The following CAMK4 variants were observed in gnomAD, a reference collection of about 807,000 sequenced individuals.
CAMK4 encodes the protein calcium/calmodulin-dependent protein kinase type IV.
Under a neutral mutation model 44.9 loss-of-function variants are expected in CAMK4, and 22 were observed. The ratio of observed to expected loss-of-function variants is 0.49; its 90% CI spans 0.35 to 0.70. The LOEUF (loss-of-function observed/expected upper bound fraction) is 0.70. Ranked by LOEUF, CAMK4 falls within the 30% of genes least tolerant of loss-of-function variation. The probability of loss-of-function intolerance (pLI) is 0.01; values close to 1 mark genes in which losing one functional copy is unlikely to be tolerated. For synonymous variants in CAMK4, 218 were observed against 215.4 expected, an observed-to-expected ratio of 1.01 and a Z score of -0.11; for missense variants, 498 against 586.8, an observed-to-expected ratio of 0.85 and a Z score of 1.56.
rs556817291 is a variant in CAMK4 at position 111,458,504 on chromosome 5, T to A, written c.625+9301T>A. Among the ~76,000 whole-genome samples the A allele has an allele frequency of 2.6e-5, 4 of 152,320 alleles. No individual in the cohort carries two copies. In the South Asian group the frequency reaches 8.3e-4, roughly 32 times the overall value. Reference sequence around the variant, plus strand: ...TGCTTCTATGCACTAGGCACTGTTGTATGTTGTAAAGACATAGCAGTAAAA... The same window carrying A: ...TGCTTCTATGCACTAGGCACTGTTGAATGTTGTAAAGACATAGCAGTAAAA... On this transcript the variant is annotated intron_variant, in intron 7 of 10. Transcript: ENST00000282356.
Position 111,486,148 on chromosome 5 carries a change from T to C in CAMK4, c.*1682T>C, listed in dbSNP as rs1302123751. 3.3e-5 allele frequency: 5 copies of C among 152,250 alleles called. No homozygotes were observed. Among genetic ancestry groups the C allele is most frequent in the Admixed American group, 3.3e-4 (5 of 15,298 alleles). The allele number at this position is 152,250 out of a possible 1,614,324, so 9.4% of individuals were successfully genotyped here. On this transcript the variant is annotated 3_prime_UTR_variant, in exon 11 of 11. Transcript: ENST00000282356. The stretch of plus-strand genomic sequence containing the variant: ...CCTCAGTAGACATTCTTCTTTTCAA[T>C]CACAAATCTCTCTCTACTACTGTTC...
chr5:111,252,923 G>A (rs533331686), intron 1 of CAMK4, among the ~76,000 whole-genome samples: 1 of 152,354 alleles, frequency 6.6e-6, no homozygotes, highest in South Asian at 2.1e-4. Context: ...GCAATAGCAA[G>A]TGATGCTACT....
At chr5:111,447,315 T>C (rs1246884096) in intron 6 of CAMK4, among the ~76,000 whole-genome samples, 2 of 152,158 alleles carry the variant, frequency 1.3e-5, no homozygotes, top group African/African-American at 4.8e-5. Context: ...TGGGAGTGAT[T>C]CACAGAAATG....
rs963855222 is a variant in CAMK4 at position 111,274,878 on chromosome 5, ACT to A, written c.161+50237_161+50238del. On this transcript the variant is annotated intron_variant, in intron 1 of 10. Coordinates refer to ENST00000282356, the MANE Select transcript of CAMK4 (RefSeq NM_001744.6). Reference sequence around the variant, plus strand: ...TCCATTTCATTTTAAGTGTTATACCACTCTTTTTTTTAAAAAAAATTATAAGC... The same window carrying A: ...TCCATTTCATTTTAAGTGTTATACCACTTTTTTTTAAAAAAAATTATAAGC... Among the ~76,000 whole-genome samples, 9 of 151,692 alleles carry A rather than the reference ACT, an allele frequency of 5.9e-5. No homozygotes were observed. The East Asian group carries it at 7.7e-4, about 13-fold the overall frequency.
chr5:111,301,480 T>C (rs902893388), intron 1 of CAMK4, among the ~76,000 whole-genome samples: 1 of 152,224 alleles, frequency 6.6e-6, no homozygotes, highest in African/African-American at 2.4e-5. Context: ...CTGGAAACTA[T>C]GTCTAGTAGG....
chr5:111,262,797 C>A (rs1368168693), intron 1 of CAMK4, among the ~76,000 whole-genome samples: 1 of 152,186 alleles, frequency 6.6e-6, no homozygotes, highest in Non-Finnish European at 1.5e-5. Context: ...CAGGTTCTGT[C>A]CTTTTGAACA....
chr5:111,468,301 A>C (rs950986385), intron 7 of CAMK4, among the ~76,000 whole-genome samples: 2 of 152,112 alleles, frequency 1.3e-5, no homozygotes, highest in Non-Finnish European at 2.9e-5. Flanking sequence ...AACACCTCCT[A>C]TTTTCCCAAA....
chr5:111,459,686 C>CTTTTTTTTTT (rs56176713), intron 7 of CAMK4, among the ~76,000 whole-genome samples: 1 of 86,690 alleles, frequency 1.2e-5, no homozygotes, highest in African/African-American at 5.0e-5. Context: ...TAGAGACAGT[C>CTTTTTTTTTT]TTTTTTTTTT....
At position 111,226,452 on chromosome 5, in the gene CAMK4, C is replaced by T. The variant is rs999235306; in HGVS notation, c.161+1808C>T. On this transcript the variant is annotated intron_variant, in intron 1 of 10. Coordinates refer to ENST00000282356, the MANE Select transcript of CAMK4 (RefSeq NM_001744.6). The stretch of plus-strand genomic sequence containing the variant: ...TCTCAACTTATGATGGTGTTATGTC[C>T]CAATAAGCCCACTGTAGTTGAAAAT... Among the ~76,000 whole-genome samples the T allele has an allele frequency of 1.2e-4, 18 of 152,062 alleles. 1 individual carries two copies. Among genetic ancestry groups the T allele is most frequent in the Non-Finnish European group, 5.9e-5 (4 of 68,034 alleles).
chr5:111,308,803 T>A (rs555279579), intron 1 of CAMK4, among the ~76,000 whole-genome samples: 1 of 152,352 alleles, frequency 6.6e-6, no homozygotes, highest in East Asian at 1.9e-4. Flanking sequence ...TGAAACCCAT[T>A]ATTTATTTTG....
rs1755733591 is a variant in CAMK4 at position 111,489,281 on chromosome 5, T to TATC, written c.*4817_*4819dup. 1 of 152,150 alleles carries TATC rather than the reference T, an allele frequency of 6.6e-6. No homozygotes were observed. Among genetic ancestry groups the TATC allele is most frequent in the Non-Finnish European group, 1.5e-5 (1 of 68,024 alleles). 9.4% of individuals were successfully genotyped at this position (152,150 alleles called of 1,614,324 possible). Reference sequence around the variant, plus strand: ...AAAAGGAGAGAGACCACTGGAGAGATATCAGCAAACCACCCACAGTAACCA... The same window carrying TATC: ...AAAAGGAGAGAGACCACTGGAGAGATATCATCAGCAAACCACCCACAGTAACCA... On this transcript the variant is annotated 3_prime_UTR_variant, in exon 11 of 11. Transcript: ENST00000282356.
chr5:111,402,773 C>G (rs1752278510), intron 5 of CAMK4, among the ~76,000 whole-genome samples: 1 of 152,178 alleles, frequency 6.6e-6, no homozygotes, highest in African/African-American at 2.4e-5. Flanking sequence ...GCCATTTCTC[C>G]TTTTCACTGG....
At chr5:111,418,453 T>TC (rs1030749467) in intron 5 of CAMK4, among the ~76,000 whole-genome samples, 1 of 151,514 alleles carries the variant, frequency 6.6e-6, no homozygotes, top group Non-Finnish European at 1.5e-5. Flanking sequence ...GGATTTTTTT[T>TC]TTATATACTT....
At chr5:111,337,008 G>T in intron 1 of CAMK4, among the ~76,000 whole-genome samples, 1 of 150,506 alleles carries the variant, frequency 6.6e-6, no homozygotes, top group Non-Finnish European at 1.5e-5. Flanking sequence ...CTATTTTATT[G>T]CAGTTTTACT....
intron 1 of CAMK4, among the ~76,000 whole-genome samples, chr5:111,273,697 A>G (rs1483926733): frequency 3.9e-5 from 2 of 51,872 alleles, no homozygotes; most frequent in African/African-American, 1.3e-4. Context: ...ATATATATAT[A>G]TATATATATA....
intron 1 of CAMK4, among the ~76,000 whole-genome samples, chr5:111,277,980 G>T (rs1396081079): frequency 6.6e-6 from 1 of 152,172 alleles, no homozygotes; most frequent in African/African-American, 2.4e-5. Flanking sequence ...TCAGGATGCA[G>T]TGTAACTTGG....
At chr5:111,316,664 A>T (rs1410210021) in intron 1 of CAMK4, among the ~76,000 whole-genome samples, 1 of 152,130 alleles carries the variant, frequency 6.6e-6, no homozygotes, top group African/African-American at 2.4e-5. Flanking sequence ...CATTTGTTTT[A>T]AAAAAGAGTT....
intron 5 of CAMK4, among the ~76,000 whole-genome samples, chr5:111,400,241 G>A (rs575930074): frequency 2.0e-5 from 3 of 151,980 alleles, no homozygotes; most frequent in African/African-American, 7.2e-5. Flanking sequence ...TGCAATTAAG[G>A]GTTAACTTAA....
chr5:111,338,657 G>C (rs1749510464), intron 1 of CAMK4, among the ~76,000 whole-genome samples: 2 of 151,196 alleles, frequency 1.3e-5, no homozygotes, highest in Non-Finnish European at 3.0e-5. Flanking sequence ...GTGAAAGGGA[G>C]GGTCCAGTTT....
Sources: allele counts gnomAD v4.1 joint callset (sites outside exome capture counted in the v4.1 genomes callset), GRCh38; gene constraint gnomAD v4.1.1; transcripts MANE v1.5; gene names NCBI Gene and HGNC (gene_info 2026-07-23, HGNC 2026-07-21).